CFAP126: variants seen among roughly 807,000 people sequenced by gnomAD.
CFAP126 encodes the protein protein Flattop.
In CFAP126, 21 loss-of-function variants were observed where a neutral mutation model predicts 17.1. The ratio of observed to expected loss-of-function variants is 1.23; its 90% CI spans 0.87 to 1.77. The LOEUF (loss-of-function observed/expected upper bound fraction) is 1.77. Among genes scored for constraint, CFAP126 ranks in the 40% most tolerant of loss-of-function variants. The pLI is 0.00. For missense variants in CFAP126, 174 were observed against 215.4 expected (o/e 0.81, Z 1.20); for synonymous variants, 65 against 73.5 (o/e 0.88, Z 0.59).
intron 4 of CFAP126, 42 bp from the exon 5 acceptor site, chr1:161,365,192 C>T: frequency 6.3e-7 from 1 of 1,585,174 alleles, no homozygotes; most frequent in Non-Finnish European, 8.7e-7. Flanking sequence ...TGTCTCTGGT[C>T]AGGCCCGGAT....
intron 1 of CFAP126, 42 bp from the exon 2 acceptor site, chr1:161,366,543 C>T (rs928022443): frequency 3.2e-6 from 5 of 1,568,558 alleles, no homozygotes; most frequent in Non-Finnish European, 4.4e-6. Flanking sequence ...ACTTCAAGGC[C>T]CCAAACCCAG....
chr1:161,367,814 G>T, intron 1 of CFAP126, 28 bp downstream of exon 1: 1 of 1,602,170 alleles, frequency 6.2e-7, no homozygotes, highest in Non-Finnish European at 8.6e-7. Flanking sequence ...AAAAGTAAAC[G>T]TTAAAGAAAT....
intron 1 of CFAP126, 95 bp from the exon 2 acceptor site, chr1:161,366,596 G>T: frequency 8.9e-7 from 1 of 1,128,118 alleles, no homozygotes; most frequent in Non-Finnish European, 1.3e-6. Flanking sequence ...GAAGACCAAA[G>T]GCCTGACCAA....
At chr1:161,365,952 A>G in intron 3 of CFAP126, 1 of 606,412 alleles carries the variant, frequency 1.6e-6, no homozygotes, top group East Asian at 2.8e-5. Context: ...TACCCACTGC[A>G]CAAATGTCAT....
At position 161,366,473 on chromosome 1, in the gene CFAP126, A is replaced by G. The variant is rs150422177; in HGVS notation, c.56T>C (p.Leu19Pro). 3.3e-5 allele frequency: 53 copies of G among 1,614,018 alleles called. No homozygotes were observed. In the African/African-American group the frequency reaches 6.8e-4, roughly 21 times the overall value. ...QYEKAFSSKYLQNWSPTKPTK... is the reference protein window; with the variant it reads ...QYEKAFSSKYPQNWSPTKPTK... Reference sequence around the variant, plus strand: ...TGGCTTAGTGGGAGACCAGTTCTGCAGATACTTGGATGAGAAAGCCTTTTC... The same window carrying G: ...TGGCTTAGTGGGAGACCAGTTCTGCGGATACTTGGATGAGAAAGCCTTTTC... The change falls in exon 2 of 5, where the codon CTG becomes CCG. Residue 19 changes from leucine to proline, a missense_variant. Physicochemically the swap from Leu to Pro is moderately conservative, Grantham distance 98. Coordinates refer to ENST00000367974, the MANE Select transcript of CFAP126 (RefSeq NM_001013625.4).
In CFAP126 at chr1:161,366,259, C is replaced by G. The variant is rs1460762921; in HGVS notation, c.110G>C (p.Gly37Ala). ...ATCGTTGGCAATAATTTGAGTGTAG[C>G]CTTCATGAGAAGAGATGCTCTGGGG... is the stretch of plus-strand genomic sequence containing the variant. ...PTKESISSHEGYTQIIANDRG... is the reference protein window; with the variant it reads ...PTKESISSHEAYTQIIANDRG... Residue 37 changes from glycine to alanine, a missense_variant, in exon 3 of 5, where the codon GGC (glycine) becomes GCC (alanine). Transcript: ENST00000367974. 6.2e-7 allele frequency: 1 copy of G among 1,613,712 alleles called. No homozygotes were observed.
chr1:161,367,497 T>A (rs1046803932), intron 1 of CFAP126: 12 of 241,302 alleles, frequency 5.0e-5, no homozygotes, highest in Non-Finnish European at 8.6e-5. Context: ...CTCAGTTATA[T>A]TTTGAATTTG....
At position 161,367,744 on chromosome 1, in the gene CFAP126, A is replaced by G. The variant is rs1259193768; in HGVS notation, c.27+98T>C. ...ATATTATCTCACTCCACTCTCAGCT[A>G]TCTGTTCAAAGATCAGAATCCTATG... On this transcript the variant is annotated intron_variant, in intron 1 of 4. Transcript: ENST00000367974. The G allele has an allele frequency of 1.1e-5, 12 of 1,138,550 alleles. No homozygotes were observed. The African/African-American group carries it at 1.1e-4, about 10-fold the overall frequency. The allele number at this position is 1,138,550 out of a possible 1,614,324, so 70.5% of individuals were successfully genotyped here. A position where few individuals can be genotyped will look rare whatever the true frequency, so the allele number is the denominator to read the frequency against.
In CFAP126 at chr1:161,365,129, TCTGA is replaced by T; in HGVS notation, c.366_369del (p.Ser122ArgfsTer21). 6.2e-7 allele frequency: 1 copy of T among 1,614,136 alleles called. No homozygotes were observed. The highest frequency in any genetic ancestry group is 1.1e-5 in the South Asian group (1 of 91,078). ...GTGATAGACTTCTTTCTGAGTTTCT[TCTGA>T]CTGTCTGGATCATGGGGCTGTCAGT... On this transcript the variant is annotated frameshift_variant, in exon 5 of 5. Coordinates refer to ENST00000367974, the MANE Select transcript of CFAP126 (RefSeq NM_001013625.4). LOFTEE classifies it low-confidence loss of function (END_TRUNC).
chr1:161,367,718 A>G, intron 1 of CFAP126, 124 bp downstream of exon 1: 13 of 946,094 alleles, frequency 1.4e-5, no homozygotes, highest in Non-Finnish European at 5.1e-6. Context: ...GAGGAGGTAA[A>G]ATATTATCTC....
In CFAP126 at chr1:161,366,227, G is replaced by T; in HGVS notation, c.142C>A (p.His48Asn). The T allele has an allele frequency of 6.2e-7, 1 of 1,613,792 alleles. No individual in the cohort carries two copies. Among genetic ancestry groups the T allele is most frequent in the South Asian group, 1.1e-5 (1 of 91,058 alleles). The change falls in exon 3 of 5, where the codon CAT (histidine) becomes AAT (asparagine). Residue 48 changes from histidine to asparagine, a missense_variant. His to Asn is a moderately conservative substitution (Grantham distance 68). Transcript: ENST00000367974. Reference sequence around the variant, plus strand: ...GAACGGGGCACAGAAGGCAGTAGATGACCACGATCGTTGGCAATAATTTGA... The same window carrying T: ...GAACGGGGCACAGAAGGCAGTAGATTACCACGATCGTTGGCAATAATTTGA... Reference protein sequence around the residue: ...YTQIIANDRGHLLPSVPRSKA... With the variant: ...YTQIIANDRGNLLPSVPRSKA...
At position 161,365,921 on chromosome 1, in the gene CFAP126, A is replaced by G. The variant is rs1488566472; in HGVS notation, c.172-219T>C. The G allele has an allele frequency of 6.5e-6, 4 of 615,676 alleles. No individual in the cohort carries two copies. In the Admixed American group the frequency reaches 1.2e-4, roughly 18 times the overall value. The allele number at this position is 615,676 out of a possible 1,614,324, so 38.1% of individuals were successfully genotyped here. A position where few individuals can be genotyped will look rare whatever the true frequency, so the allele number is the denominator to read the frequency against. On this transcript the variant is annotated intron_variant, in intron 3 of 4. Transcript: ENST00000367974. Reference sequence around the variant, plus strand: ...CTGCCAACTTAAATTCCACATCCTTAGGCCGAGTGTGGCAAAGGAGTACCC... The same window carrying G: ...CTGCCAACTTAAATTCCACATCCTTGGGCCGAGTGTGGCAAAGGAGTACCC...
At position 161,364,833 on chromosome 1, in the gene CFAP126, A is replaced by G. The variant is rs1672669205; in HGVS notation, c.*132T>C. 5 of 865,188 alleles carry G rather than the reference A, an allele frequency of 5.8e-6. No homozygotes were observed. Among genetic ancestry groups the G allele is most frequent in the Non-Finnish European group, 7.0e-6 (4 of 570,140 alleles). The allele number at this position is 865,188 out of a possible 1,614,324, so 53.6% of individuals were successfully genotyped here. On this transcript the variant is annotated 3_prime_UTR_variant, in exon 5 of 5. Coordinates refer to ENST00000367974, the MANE Select transcript of CFAP126 (RefSeq NM_001013625.4). ...CTGACTGGGGGCTCTTGTTTATTTC[A>G]CTGAGTCGCTATACGGGTTTTTCAG...
At position 161,364,838 on chromosome 1, in the gene CFAP126, G is replaced by A. The variant is rs981428583; in HGVS notation, c.*127C>T. ...TGGGGGCTCTTGTTTATTTCACTGA[G>A]TCGCTATACGGGTTTTTCAGTGTGT... On this transcript the variant is annotated 3_prime_UTR_variant, in exon 5 of 5. Transcript: ENST00000367974. The A allele has an allele frequency of 1.1e-6, 1 of 886,882 alleles. No homozygotes were observed. Among genetic ancestry groups the A allele is most frequent in the African/African-American group, 1.7e-5 (1 of 59,574 alleles). The allele number at this position is 886,882 out of a possible 1,614,324, so 54.9% of individuals were successfully genotyped here. A position where few individuals can be genotyped will look rare whatever the true frequency, so the allele number is the denominator to read the frequency against.
In CFAP126 at chr1:161,365,060, A is replaced by C; in HGVS notation, c.439T>G (p.Ser147Ala). Residue 147 changes from serine to alanine, a missense_variant, in exon 5 of 5, where the codon TCC becomes GCC. Transcript: ENST00000367974. ...GGGGAATTGAGGTTGGCAGCTGGGGAGCTTGGAATTATGGTTGGACTTCGT... is the reference window on the plus strand; with the variant it reads ...GGGGAATTGAGGTTGGCAGCTGGGGCGCTTGGAATTATGGTTGGACTTCGT... ...QARSPTIIPS[S>A]PAANLNSPDE... The C allele has an allele frequency of 6.2e-7, 1 of 1,613,892 alleles. No individual in the cohort carries two copies. The highest frequency in any genetic ancestry group is 8.5e-7 in the Non-Finnish European group (1 of 1,179,954).
At chr1:161,367,719 A>G (rs10494351) in intron 1 of CFAP126, 123 bp downstream of exon 1, 84,259 of 954,018 alleles carry the variant, frequency 0.088, 5,768 homozygotes, top group East Asian at 0.26. Flanking sequence ...AGGAGGTAAA[A>G]TATTATCTCA....
At chr1:161,365,449 C>T in intron 4 of CFAP126, 77 bp downstream of exon 4, 1 of 1,524,670 alleles carries the variant, frequency 6.6e-7, no homozygotes, top group Non-Finnish European at 9.1e-7. Context: ...ATAGTGGTGG[C>T]ATAACAATAG....
At chr1:161,366,053 G>A in intron 3 of CFAP126, 145 bp downstream of exon 3, 3 of 726,220 alleles carry the variant, frequency 4.1e-6, no homozygotes, top group Non-Finnish European at 4.7e-6. Context: ...GGGTAAGCTG[G>A]CCGGAAGTTC....
intron 3 of CFAP126, 86 bp downstream of exon 3, chr1:161,366,112 G>A (rs16832872): frequency 0.042 from 47,724 of 1,139,752 alleles, 2,293 homozygotes; most frequent in East Asian, 0.22. Flanking sequence ...TAATTTTCCC[G>A]ATAATGGCTG....
Sources: allele counts gnomAD v4.1 joint callset, GRCh38; gene constraint gnomAD v4.1.1; transcripts MANE v1.5; gene names NCBI Gene and HGNC (gene_info 2026-07-23, HGNC 2026-07-21).